The following LDB2 variants were observed in gnomAD, a reference collection of about 807,000 sequenced individuals.
LDB2 encodes LIM domain-binding protein 2.
A neutral mutation model predicts 44.3 loss-of-function variants in LDB2; 12 were observed. That is an observed-to-expected ratio of 0.27 (90% CI 0.17 to 0.44). LDB2 has a LOEUF of 0.44. LDB2 is among the 20% of genes least tolerant of loss of function. The pLI, the probability that LDB2 is intolerant of heterozygous loss-of-function variation, is 1.00. For synonymous variants in LDB2, 164 were observed against 174.8 expected (o/e 0.94, Z 0.49); for missense variants, 344 against 473.5 (o/e 0.73, Z 2.54).
intron 2 of LDB2, among the ~76,000 whole-genome samples, chr4:16,680,746 G>C (rs879615306): frequency 4.6e-5 from 7 of 152,146 alleles, no homozygotes; most frequent in Non-Finnish European, 8.8e-5. Flanking sequence ...AACCTGCACA[G>C]TATATAGAAC....
chr4:16,630,531 T>G (rs1731634684), intron 2 of LDB2, among the ~76,000 whole-genome samples: 1 of 152,100 alleles, frequency 6.6e-6, no homozygotes, highest in Admixed American at 6.5e-5. Flanking sequence ...CGGCATAAAT[T>G]AATAGGTGAA....
chr4:16,746,693 A>T (rs1764455788), intron 2 of LDB2, among the ~76,000 whole-genome samples: 2 of 152,200 alleles, frequency 1.3e-5, no homozygotes, highest in Admixed American at 6.5e-5. Flanking sequence ...AGGCTGAGGC[A>T]GGAGAATCAC....
chr4:16,788,060 C>T (rs937312707), intron 1 of LDB2, among the ~76,000 whole-genome samples: 2 of 152,188 alleles, frequency 1.3e-5, no homozygotes, highest in Non-Finnish European at 2.9e-5. Flanking sequence ...CTGCAGAAGT[C>T]GATCCTCCCC....
At chr4:16,714,980 T>C (rs1756769797) in intron 2 of LDB2, among the ~76,000 whole-genome samples, 1 of 152,212 alleles carries the variant, frequency 6.6e-6, no homozygotes, top group Non-Finnish European at 1.5e-5. Context: ...TACTATGGGT[T>C]AGGACTGGGG....
chr4:16,849,665 C>T (rs906095381), intron 1 of LDB2, among the ~76,000 whole-genome samples: 1 of 152,148 alleles, frequency 6.6e-6, no homozygotes, highest in African/African-American at 2.4e-5. Flanking sequence ...ATGACTGTTT[C>T]CTGTTTGTCA....
intron 1 of LDB2, among the ~76,000 whole-genome samples, chr4:16,794,335 T>C (rs1368114412): frequency 1.3e-5 from 2 of 152,170 alleles, no homozygotes; most frequent in Non-Finnish European, 2.9e-5. Flanking sequence ...AAAGAAACCA[T>C]GTAATGATAT....
intron 1 of LDB2, among the ~76,000 whole-genome samples, chr4:16,819,564 T>C (rs1303791416): frequency 6.6e-6 from 1 of 151,266 alleles, no homozygotes; most frequent in East Asian, 1.9e-4. Flanking sequence ...TTTAATGAAA[T>C]TGTACTCTCT....
At chr4:16,844,207 C>T (rs1786465365) in intron 1 of LDB2, among the ~76,000 whole-genome samples, 1 of 130,778 alleles carries the variant, frequency 7.6e-6, no homozygotes, top group African/African-American at 2.9e-5. Context: ...GAGGCCCAGC[C>T]ACTGCACTCT....
intron 1 of LDB2, among the ~76,000 whole-genome samples, chr4:16,869,888 T>C (rs1715961714): frequency 6.6e-6 from 1 of 152,204 alleles, no homozygotes; most frequent in South Asian, 2.1e-4. Context: ...AAAGTCAATG[T>C]GGTGATCCAA....
intron 1 of LDB2, among the ~76,000 whole-genome samples, chr4:16,808,682 T>A (rs990419344): frequency 1.3e-5 from 2 of 152,192 alleles, no homozygotes; most frequent in African/African-American, 2.4e-5. Flanking sequence ...TTTTGTAGTG[T>A]GCTTACCAGA....
At chr4:16,847,912 A>G (rs376410079) in intron 1 of LDB2, among the ~76,000 whole-genome samples, 33 of 152,366 alleles carry the variant, frequency 2.2e-4, no homozygotes, top group East Asian at 1.9e-3. Context: ...CACCGCGCCC[A>G]GCCTAACACA....
chr4:16,652,250 C>T (rs190811016), intron 2 of LDB2, among the ~76,000 whole-genome samples: 7 of 152,142 alleles, frequency 4.6e-5, no homozygotes, highest in Admixed American at 1.3e-4. Flanking sequence ...CCAACCTGTA[C>T]TTTACTTTTT....
At chr4:16,800,660 GTTTC>G (rs1407056665) in intron 1 of LDB2, among the ~76,000 whole-genome samples, 1 of 152,078 alleles carries the variant, frequency 6.6e-6, no homozygotes, top group Non-Finnish European at 1.5e-5. Flanking sequence ...AATAGAAGAC[GTTTC>G]TTTGTTTTTG....
chr4:16,849,630 A>G (rs949740361), intron 1 of LDB2, among the ~76,000 whole-genome samples: 2 of 152,220 alleles, frequency 1.3e-5, no homozygotes, highest in African/African-American at 2.4e-5. Flanking sequence ...TTTGGGAGCC[A>G]TTTAATACAG....
At chr4:16,773,978 C>G (rs988876362) in intron 1 of LDB2, among the ~76,000 whole-genome samples, 1 of 128,518 alleles carries the variant, frequency 7.8e-6, no homozygotes, top group African/African-American at 3.1e-5. Context: ...CACGGTGAAA[C>G]CCCATCTCTA....
At chr4:16,640,464 C>T (rs1261551828) in intron 2 of LDB2, among the ~76,000 whole-genome samples, 2 of 152,088 alleles carry the variant, frequency 1.3e-5, no homozygotes, top group Non-Finnish European at 2.9e-5. Flanking sequence ...GAATATGCCA[C>T]GAGGACAATA....
intron 1 of LDB2, among the ~76,000 whole-genome samples, chr4:16,801,138 G>A (rs1206697864): frequency 7.2e-5 from 11 of 152,124 alleles, no homozygotes; most frequent in Non-Finnish European, 1.5e-4. Context: ...GGCATTTCAG[G>A]AACTTTCCCA....
chr4:16,733,245 C>T (rs894161637), intron 2 of LDB2, among the ~76,000 whole-genome samples: 3 of 151,974 alleles, frequency 2.0e-5, no homozygotes, highest in Non-Finnish European at 4.4e-5. Flanking sequence ...CCTAGCCACT[C>T]ATGATTATAA....
intron 1 of LDB2, among the ~76,000 whole-genome samples, chr4:16,821,745 G>GCAAAAAAAAA (rs1782078046): frequency 8.7e-5 from 1 of 11,452 alleles, no homozygotes; most frequent in Non-Finnish European, 2.2e-4. Flanking sequence ...CAACATTAAA[G>GCAAAAAAAAA]CAAAAAAAAA....
Sources: allele counts gnomAD v4.1 joint callset (sites outside exome capture counted in the v4.1 genomes callset), GRCh38; gene constraint gnomAD v4.1.1; transcripts MANE v1.5; gene names NCBI Gene and HGNC (gene_info 2026-07-23, HGNC 2026-07-21).